Variants in DPP6 observed in about 807,000 individuals in gnomAD.
DPP6 encodes dipeptidyl peptidase like 6.
Under a neutral mutation model 122.6 loss-of-function variants are expected in DPP6, and 69 were observed. That is an observed-to-expected ratio of 0.56 (90% CI 0.46 to 0.69). The LOEUF (loss-of-function observed/expected upper bound fraction) is 0.69, where lower values mean the gene tolerates loss of function less well. DPP6 is among the 30% of genes least tolerant of loss of function. DPP6 has a pLI of 0.00. For synonymous variants in DPP6, 418 were observed against 433.1 expected, an observed-to-expected ratio of 0.97 and a Z score of 0.43; for missense variants, 928 against 1,116.9, an observed-to-expected ratio of 0.83 and a Z score of 2.41.
chr7:154,074,568 A>G (rs1803420694), intron 1 of DPP6, among the ~76,000 whole-genome samples: 1 of 152,234 alleles, frequency 6.6e-6, no homozygotes, highest in African/African-American at 2.4e-5. Context: ...AAATTCATTT[A>G]ATCTTTGCAG....
At chr7:154,814,922 C>T (rs183273332) in intron 16 of DPP6, among the ~76,000 whole-genome samples, 1 of 152,292 alleles carries the variant, frequency 6.6e-6, no homozygotes, top group East Asian at 1.9e-4. Context: ...CCACCTAATC[C>T]AGCGTAGCTT....
chr7:154,794,220 G>T lies in DPP6; in HGVS notation c.1260+18G>T. On this transcript the variant is annotated intron_variant, in intron 11 of 25. Coordinates refer to ENST00000377770, the MANE Select transcript of DPP6 (RefSeq NM_130797.4). ...GCACGAAGGTACGCGGGGCTGTGGG[G>T]GTGGAGGGGAGACGGGTGAAGAACC... The T allele has an allele frequency of 6.3e-7, 1 of 1,593,822 alleles. No individual in the cohort carries two copies. Among genetic ancestry groups the T allele is most frequent in the East Asian group, 2.3e-5 (1 of 44,130 alleles).
chr7:153,836,904 G>A, the DPP6 span, among the ~76,000 whole-genome samples: 1 of 152,178 alleles, frequency 6.6e-6, no homozygotes, highest in East Asian at 1.9e-4. Context: ...GAAAATAAAA[G>A]ATACTTGGAT....
intron 13 of DPP6, among the ~76,000 whole-genome samples, chr7:154,802,700 G>A (rs1798445666): frequency 6.6e-6 from 1 of 152,114 alleles, no homozygotes; most frequent in African/African-American, 2.4e-5. Context: ...AGCTGGGCAT[G>A]GTGGCACCTG....
At chr7:154,887,145 C>G (rs76668672) in intron 22 of DPP6, among the ~76,000 whole-genome samples, 1 of 152,148 alleles carries the variant, frequency 6.6e-6, no homozygotes, top group East Asian at 1.9e-4. Flanking sequence ...GTCTCCTGGG[C>G]GCCCTCAGGC....
intron 1 of DPP6, among the ~76,000 whole-genome samples, chr7:154,023,318 G>GCACGCGCA (rs373378162): frequency 0.028 from 3,651 of 129,570 alleles, 72 homozygotes; most frequent in East Asian, 0.056. Context: ...TTTCTTGTCT[G>GCACGCGCA]CACACACACA....
At chr7:153,957,612 A>G (rs1388881394) in intron 1 of DPP6, among the ~76,000 whole-genome samples, 4 of 152,178 alleles carry the variant, frequency 2.6e-5, no homozygotes, top group Non-Finnish European at 5.9e-5. Context: ...TTTATTTTAC[A>G]TCGCTAGTTT....
rs148837925 is a variant in DPP6, at chr7:154,162,756, G to C, written c.243+109693G>C. On this transcript the variant is annotated intron_variant, in intron 1 of 25. Transcript: ENST00000377770. ...GAGTGGAATTTAACACCTGGAATCT[G>C]TGCATTGCTAGCATTGAGTCAAACT... Among the ~76,000 whole-genome samples, 347 of 152,244 alleles carry C rather than the reference G, an allele frequency of 2.3e-3. 1 individual carries two copies. The highest frequency in any genetic ancestry group is 8.0e-3 in the African/African-American group (332 of 41,534).
intron 1 of DPP6, among the ~76,000 whole-genome samples, chr7:153,964,082 A>C (rs899143080): frequency 1.3e-5 from 2 of 152,056 alleles, no homozygotes; most frequent in African/African-American, 4.8e-5. Flanking sequence ...TGCAATCTCC[A>C]TCTCCCGGGC....
chr7:154,366,231 A>G (rs778660094), intron 1 of DPP6, among the ~76,000 whole-genome samples: 8 of 152,220 alleles, frequency 5.3e-5, no homozygotes, highest in Non-Finnish European at 1.2e-4. Flanking sequence ...AGTTACAAAG[A>G]TGAAGACAAA....
rs560486277 is a variant in DPP6 at position 154,129,594 on chromosome 7, C to T, written c.243+76531C>T. On this transcript the variant is annotated intron_variant, in intron 1 of 25. Coordinates refer to ENST00000377770, the MANE Select transcript of DPP6 (RefSeq NM_130797.4). ...CCTAGCCAACATGGTGAAACCCTGTCTCTACTAAAAATAAAAAATTAGCGG... is the reference window on the plus strand; with the variant it reads ...CCTAGCCAACATGGTGAAACCCTGTTTCTACTAAAAATAAAAAATTAGCGG... 1.1e-4 allele frequency among the ~76,000 whole-genome samples: 16 copies of T among 152,300 alleles called. No individual in the cohort carries two copies. The Middle Eastern group carries it at 0.01, about 97-fold the overall frequency.
At chr7:153,924,871 A>G (rs1800817894) in intron 1 of DPP6, among the ~76,000 whole-genome samples, 1 of 152,186 alleles carries the variant, frequency 6.6e-6, no homozygotes, top group Non-Finnish European at 1.5e-5. Flanking sequence ...GAGAAGTCAG[A>G]GTCCTGACTG....
chr7:154,130,098 AC>A (rs1407663845), intron 1 of DPP6, among the ~76,000 whole-genome samples: 1 of 150,374 alleles, frequency 6.7e-6, no homozygotes, highest in African/African-American at 2.5e-5. Flanking sequence ...CCCCACACAC[AC>A]AAAAAAAAAA....
chr7:154,574,863 GTGTT>G (rs1480778419), intron 5 of DPP6, among the ~76,000 whole-genome samples: 542 of 145,440 alleles, frequency 3.7e-3, no homozygotes, highest in Non-Finnish European at 5.1e-3. Context: ...TGTGGTGTGT[GTGTT>G]TGTGTGTTGT....
chr7:154,115,348 C>T (rs1488159634), intron 1 of DPP6, among the ~76,000 whole-genome samples: 1 of 152,222 alleles, frequency 6.6e-6, no homozygotes, highest in Admixed American at 6.5e-5. Context: ...AACCTCAAAG[C>T]CAAACAAGAT....
chr7:154,125,474 A>C (rs1315652268), intron 1 of DPP6, among the ~76,000 whole-genome samples: 1 of 152,228 alleles, frequency 6.6e-6, no homozygotes, highest in Non-Finnish European at 1.5e-5. Flanking sequence ...AAGGATCCTA[A>C]CATGACCACT....
intron 1 of DPP6, among the ~76,000 whole-genome samples, chr7:154,338,918 C>T (rs1809670194): frequency 6.6e-6 from 1 of 152,172 alleles, no homozygotes; most frequent in African/African-American, 2.4e-5. Context: ...CGCGTTCATC[C>T]GTTTCTCTTA....
intron 16 of DPP6, among the ~76,000 whole-genome samples, chr7:154,836,137 C>T (rs1422198839): frequency 6.6e-6 from 1 of 152,224 alleles, no homozygotes; most frequent in Non-Finnish European, 1.5e-5. Context: ...TGTTTAATTA[C>T]CGCGAGCCTT....
At chr7:154,735,313 G>A (rs1263280371) in intron 8 of DPP6, among the ~76,000 whole-genome samples, 2 of 152,010 alleles carry the variant, frequency 1.3e-5, no homozygotes, top group East Asian at 3.9e-4. Context: ...CTTGTGACTT[G>A]GTAAAAATTA....
Sources: gnomAD v4.1 joint callset for allele counts (sites outside exome capture counted in the v4.1 genomes callset) on GRCh38, gnomAD v4.1.1 for gene constraint, MANE v1.5 for transcripts, NCBI Gene and HGNC (gene_info 2026-07-23, HGNC 2026-07-21) for gene names.